Variants in TMEM63A observed in about 807,000 individuals in gnomAD.
TMEM63A encodes mechanosensitive cation channel TMEM63A.
In TMEM63A, 76 loss-of-function variants were observed where a neutral mutation model predicts 100.6. The ratio of observed to expected loss-of-function variants is 0.76; its 90% confidence interval spans 0.63 to 0.91. The LOEUF (loss-of-function observed/expected upper bound fraction) is 0.91. Among genes scored for constraint, TMEM63A ranks in the 40% least tolerant of loss-of-function variants. The probability of loss-of-function intolerance (pLI) is 0.00; values close to 1 mark genes in which losing one functional copy is unlikely to be tolerated. For missense variants in TMEM63A, 876 were observed against 1,008.8 expected, an observed-to-expected ratio of 0.87 and a Z score of 1.78; for synonymous variants, 401 against 401.1, an observed-to-expected ratio of 1.00 and a Z score of 0.00.
At chr1:225,874,415 A>C (rs369729713) in intron 3 of TMEM63A, 48 bp from the exon 4 acceptor site, 2 of 1,546,232 alleles carry the variant, frequency 1.3e-6, no homozygotes, top group Non-Finnish European at 8.9e-7. Context: ...ATGGCTTCTC[A>C]TTAGAAGACA....
chr1:225,865,939 A>G lies in TMEM63A; in HGVS notation c.704T>C (p.Leu235Pro), dbSNP rs1440419556. Residue 235 changes from leucine (L) to proline (P), a missense_variant, in exon 10 of 25, where the codon CTC becomes CCC. Physicochemically the swap from Leu to Pro is moderately conservative, Grantham distance 98. Coordinates refer to ENST00000366835, the MANE Select transcript of TMEM63A (RefSeq NM_014698.3). This position sits in a 1 kb window ranked among gnomAD's most constrained non-coding sequence, Gnocchi z 4.6. ...AGTCTCCTTCCTGGCATCTCTGGGG[A>G]GTCCTGTGATGAACAGGGTCCGCCT... is the stretch of plus-strand genomic sequence containing the variant. ...LVRRTLFITG[L>P]PRDARKETVE... 6.2e-7 allele frequency: 1 copy of G among 1,613,896 alleles called. No individual in the cohort carries two copies. The highest frequency in any genetic ancestry group is 1.7e-5 in the Admixed American group (1 of 60,020).
intron 13 of TMEM63A, 119 bp from the exon 14 acceptor site, chr1:225,861,116 AT>A: frequency 1.7e-6 from 2 of 1,185,764 alleles, no homozygotes; most frequent in Non-Finnish European, 1.2e-6. Context: ...CTTTGTTGTG[AT>A]TAGTGTATTA....
chr1:225,847,154 C>T lies in TMEM63A; in HGVS notation c.2310G>A (p.Gln770=). ...LASERTALSP[Q]QQQQQTYGAI... ...CACCATAGGTCTGCTGCTGCTGCTG[C>T]TGCGGAGACAGTGCTGTCCTCTCCG... is the stretch of plus-strand genomic sequence containing the variant. The change falls in exon 24 of 25, where the codon CAG becomes CAA. Residue 770 remains glutamine, a synonymous_variant. Coordinates refer to ENST00000366835, the MANE Select transcript of TMEM63A (RefSeq NM_014698.3). The T allele has an allele frequency of 6.2e-7, 1 of 1,613,488 alleles. No individual in the cohort carries two copies. Among genetic ancestry groups the T allele is most frequent in the Non-Finnish European group, 8.5e-7 (1 of 1,180,018 alleles).
chr1:225,868,903 C>T (rs1670352306), intron 6 of TMEM63A, among the ~76,000 whole-genome samples: 1 of 152,032 alleles, frequency 6.6e-6, no homozygotes, highest in Non-Finnish European at 1.5e-5. Flanking sequence ...GGCTCTGGGT[C>T]CACTGGGGAC....
intron 5 of TMEM63A, chr1:225,871,747 T>C (rs1576109144): frequency 1.9e-6 from 1 of 521,702 alleles, no homozygotes; most frequent in Non-Finnish European, 3.4e-6. Flanking sequence ...AGAGAAGTGC[T>C]GGGGAAGCCC....
intron 17 of TMEM63A, among the ~76,000 whole-genome samples, chr1:225,856,285 C>T (rs972219192): frequency 6.7e-6 from 1 of 149,122 alleles, no homozygotes; most frequent in Non-Finnish European, 1.5e-5. Flanking sequence ...GCTAGGATTA[C>T]AGGCGTGAGC....
rs1670167660 is a variant in TMEM63A, at chr1:225,865,692, G to A, written c.746+205C>T. On this transcript the variant is annotated intron_variant, in intron 10 of 24. Transcript: ENST00000366835. The surrounding 1 kb of genome is among the most constrained non-coding windows in gnomAD (Gnocchi z 4.6). ...CTGCTTGAAGAGGATAGGCCACCAGGGCGCTATTCACTGCACAGCACCAGC... is the reference window on the plus strand; with the variant it reads ...CTGCTTGAAGAGGATAGGCCACCAGAGCGCTATTCACTGCACAGCACCAGC... 1.7e-6 allele frequency: 1 copy of A among 574,814 alleles called. No homozygotes were observed. Among genetic ancestry groups the A allele is most frequent in the African/African-American group, 1.9e-5 (1 of 53,422 alleles). The allele number at this position is 574,814 out of a possible 1,614,324, so 35.6% of individuals were successfully genotyped here.
At chr1:225,842,311 C>G (rs543824417), downstream of TMEM63A, 3 of 1,334,902 alleles carry the variant, frequency 2.2e-6, no homozygotes, top group Non-Finnish European at 3.2e-6. Flanking sequence ...ACCTGAAGCT[C>G]CAGCTCTCTG....
At position 225,867,991 on chromosome 1, in the gene TMEM63A, G is replaced by A; in HGVS notation, c.411C>T (p.Ile137=). Residue 137 remains isoleucine (I), a synonymous_variant, in exon 7 of 25, where the codon ATC becomes ATT. Transcript: ENST00000366835. This position sits in a 1 kb window ranked among gnomAD's most constrained non-coding sequence, Gnocchi z 4.6. The part of the protein sequence containing the change: ...QILEWCGEDA[I]HYLSFQRHII... ...TGTGCCTCTGGAAGGACAGGTAGTG[G>A]ATGGCGTCCTCCCCACACCATTCCA... The A allele has an allele frequency of 6.2e-7, 1 of 1,614,180 alleles. No homozygotes were observed. Among genetic ancestry groups the A allele is most frequent in the Non-Finnish European group, 8.5e-7 (1 of 1,180,032 alleles).
intron 15 of TMEM63A, among the ~76,000 whole-genome samples, chr1:225,858,321 T>C (rs1412854451): frequency 6.9e-6 from 1 of 145,102 alleles, no homozygotes; most frequent in Non-Finnish European, 1.5e-5. Context: ...ATAGTTTGTT[T>C]TTTTTTTTTT....
chr1:225,843,161 T>C (rs41359248), downstream of TMEM63A, among the ~76,000 whole-genome samples: 2,202 of 152,112 alleles, frequency 0.014, 57 homozygotes, highest in African/African-American at 0.05. Flanking sequence ...GCCCAGTACA[T>C]AGATGTTGAA....
intron 2 of TMEM63A, among the ~76,000 whole-genome samples, chr1:225,878,974 C>T (rs1404751914): frequency 6.6e-6 from 1 of 151,698 alleles, no homozygotes; most frequent in Non-Finnish European, 1.5e-5. Context: ...TGGGAGCATC[C>T]CACAGACAGC....
At chr1:225,880,458 A>G (rs545594045) in intron 1 of TMEM63A, among the ~76,000 whole-genome samples, 4 of 152,250 alleles carry the variant, frequency 2.6e-5, no homozygotes, top group Non-Finnish European at 5.9e-5. Flanking sequence ...GGGAGCACCC[A>G]GCTGGCAGCT....
chr1:225,865,062 G>GT lies in TMEM63A; in HGVS notation c.746+834dup. The GT allele has an allele frequency of 6.6e-6, 1 of 152,318 alleles. No individual in the cohort carries two copies. The highest frequency in any genetic ancestry group is 2.1e-4 in the South Asian group (1 of 4,824). 9.4% of individuals were successfully genotyped at this position (152,318 alleles called of 1,614,324 possible). On this transcript the variant is annotated intron_variant, in intron 10 of 24. Coordinates refer to ENST00000366835, the MANE Select transcript of TMEM63A (RefSeq NM_014698.3). The surrounding 1 kb of genome is among the most constrained non-coding windows in gnomAD (Gnocchi z 4.6). ...CTTAAGTCCAGGAGTTGAGGCCGCA[G>GT]TAAGCTATTATTGCACTACTGAACT...
At chr1:225,881,905 G>C (rs1266651668) in intron 1 of TMEM63A, among the ~76,000 whole-genome samples, 3 of 151,970 alleles carry the variant, frequency 2.0e-5, no homozygotes, top group African/African-American at 7.3e-5. Flanking sequence ...TGCCTTCCTG[G>C]CGTCAGGAGA....
Position 225,860,911 on chromosome 1 carries a change from T to A in TMEM63A, c.1172A>T (p.Tyr391Phe). The change falls in exon 14 of 25, where the codon TAT becomes TTT. Residue 391 changes from tyrosine to phenylalanine, a missense_variant. Coordinates refer to ENST00000366835, the MANE Select transcript of TMEM63A (RefSeq NM_014698.3). ...PQPSSHSREL[Y>F]TSKWTVTFAA... ...AAAGGTGACTGTCCACTTGGAGGTA[T>A]AGAGCTCCCTGCTATGGGAGGACGG... 1.2e-6 allele frequency: 2 copies of A among 1,612,808 alleles called. No individual in the cohort carries two copies. The highest frequency in any genetic ancestry group is 1.7e-6 in the Non-Finnish European group (2 of 1,179,450).
At chr1:225,870,133 T>C (rs1397976455) in intron 6 of TMEM63A, among the ~76,000 whole-genome samples, 1 of 151,978 alleles carries the variant, frequency 6.6e-6, no homozygotes, top group Non-Finnish European at 1.5e-5. Flanking sequence ...GCAGATCACC[T>C]GAGGTCGGGA....
chr1:225,841,169 G>A (rs973393087), downstream of TMEM63A: 3 of 152,198 alleles, frequency 2.0e-5, no homozygotes, highest in Non-Finnish European at 4.4e-5. Context: ...AGATGGTTTT[G>A]ATTGTGCCTG....
intron 2 of TMEM63A, among the ~76,000 whole-genome samples, chr1:225,877,940 G>A (rs1268710275): frequency 6.6e-6 from 1 of 152,214 alleles, no homozygotes; most frequent in African/African-American, 2.4e-5. Context: ...CTAGCCTCGA[G>A]GACTCGTGTT....
Sources: allele counts gnomAD v4.1 joint callset (sites outside exome capture counted in the v4.1 genomes callset), GRCh38; gene constraint gnomAD v4.1.1; non-coding constraint Gnocchi (gnomAD v3.1); transcripts MANE v1.5; gene names NCBI Gene and HGNC (gene_info 2026-07-23, HGNC 2026-07-21).